Variants in IMMP2L observed in about 807,000 individuals in gnomAD.
The protein encoded by IMMP2L is inner mitochondrial membrane peptidase subunit 2, also known as mitochondrial inner membrane protease subunit 2.
IMMP2L carries 18 observed loss-of-function variants against 19.3 expected under a neutral mutation model. That is an observed-to-expected ratio of 0.93 (90% CI 0.64 to 1.38). The LOEUF (loss-of-function observed/expected upper bound fraction) is 1.38. IMMP2L is among the 40% of genes most tolerant of loss of function. The pLI is 0.00. For missense variants in IMMP2L, 233 were observed against 218.2 expected, an observed-to-expected ratio of 1.07 and a Z score of -0.43; for synonymous variants, 76 against 73.0, an observed-to-expected ratio of 1.04 and a Z score of -0.21.
intron 5 of IMMP2L, among the ~76,000 whole-genome samples, chr7:110,716,068 C>G (rs1468406353): frequency 1.3e-5 from 2 of 151,884 alleles, no homozygotes; most frequent in East Asian, 3.9e-4. Context: ...TTATCTGATA[C>G]AAGAATAGTG....
rs139881053 is a variant in IMMP2L, at chr7:111,359,296, TTTTG to T, written c.239+127938_239+127941del. Among the ~76,000 whole-genome samples, 223 of 151,906 alleles carry T rather than the reference TTTTG, an allele frequency of 1.5e-3. 1 individual carries two copies. Among genetic ancestry groups the T allele is most frequent in the African/African-American group, 4.9e-3 (201 of 41,442 alleles). ...GAGGTGGCCTCCTAATTCTCCAGGTTTTTGTTTGTTTGTTTGTTTTAATGAGACA... is the reference window on the plus strand; with the variant it reads ...GAGGTGGCCTCCTAATTCTCCAGGTTTTTGTTTGTTTGTTTTAATGAGACA... On this transcript the variant is annotated intron_variant, in intron 3 of 5. Coordinates refer to ENST00000405709, the MANE Select transcript of IMMP2L (RefSeq NM_032549.4).
intron 4 of IMMP2L, among the ~76,000 whole-genome samples, chr7:110,921,026 G>A (rs1288397763): frequency 6.6e-6 from 1 of 152,038 alleles, no homozygotes; most frequent in Admixed American, 6.6e-5. Flanking sequence ...TGAATGACTA[G>A]TTATTTAAGA....
chr7:110,989,353 A>G (rs1454202545), intron 3 of IMMP2L, among the ~76,000 whole-genome samples: 1 of 152,080 alleles, frequency 6.6e-6, no homozygotes, highest in Admixed American at 6.6e-5. Flanking sequence ...CCTGGGCAAC[A>G]TGACAAGATC....
chr7:110,933,739 A>G (rs1439888278), intron 4 of IMMP2L, among the ~76,000 whole-genome samples: 1 of 152,190 alleles, frequency 6.6e-6, no homozygotes, highest in African/African-American at 2.4e-5. Flanking sequence ...CTCTGATCCC[A>G]GAGACTCTTT....
intron 5 of IMMP2L, among the ~76,000 whole-genome samples, chr7:110,833,610 T>C (rs1411644798): frequency 6.6e-6 from 1 of 152,124 alleles, no homozygotes; most frequent in Admixed American, 6.6e-5. Context: ...TTCAGCTTTT[T>C]CAGAAGTTCA....
At chr7:111,498,329 G>T (rs1468054250) in intron 2 of IMMP2L, among the ~76,000 whole-genome samples, 1 of 152,048 alleles carries the variant, frequency 6.6e-6, no homozygotes, top group Non-Finnish European at 1.5e-5. Context: ...TATAGTCAAT[G>T]AAATATAAAA....
intron 1 of IMMP2L, among the ~76,000 whole-genome samples, chr7:111,545,305 C>T (rs966002558): frequency 6.6e-5 from 10 of 151,948 alleles, no homozygotes; most frequent in African/African-American, 2.4e-4. Context: ...CTTTTCATGC[C>T]CTTATTGGCC....
chr7:111,049,893 G>C (rs183822320), intron 3 of IMMP2L, among the ~76,000 whole-genome samples: 101 of 152,288 alleles, frequency 6.6e-4, no homozygotes, highest in Non-Finnish European at 3.4e-4. Context: ...CCCCCATAGG[G>C]AAGTGTGAGA....
At chr7:110,782,854 A>G (rs879676448) in intron 5 of IMMP2L, among the ~76,000 whole-genome samples, 1 of 151,914 alleles carries the variant, frequency 6.6e-6, no homozygotes, top group Non-Finnish European at 1.5e-5. Context: ...TTGGACTAAG[A>G]ATAGAGATTC....
intron 3 of IMMP2L, among the ~76,000 whole-genome samples, chr7:111,054,373 G>T (rs1793295790): frequency 1.3e-5 from 2 of 152,118 alleles, no homozygotes; most frequent in South Asian, 4.1e-4. Flanking sequence ...CTATCAAAGG[G>T]ACATCAACTG....
chr7:111,121,382 T>G (rs1375448597), intron 3 of IMMP2L, among the ~76,000 whole-genome samples: 1 of 152,254 alleles, frequency 6.6e-6, no homozygotes, highest in Non-Finnish European at 1.5e-5. Flanking sequence ...TTGTCAATTT[T>G]GGCTTTTGTT....
At chr7:110,861,862 C>T (rs866054187) in intron 5 of IMMP2L, among the ~76,000 whole-genome samples, 26 of 151,904 alleles carry the variant, frequency 1.7e-4, no homozygotes, top group Admixed American at 2.6e-4. Flanking sequence ...ATCTGTTTAC[C>T]AAATATGTGT....
chr7:110,798,775 A>G (rs1184939845), intron 5 of IMMP2L, among the ~76,000 whole-genome samples: 2 of 151,828 alleles, frequency 1.3e-5, no homozygotes, highest in Admixed American at 6.6e-5. Context: ...TTCAGTTCTT[A>G]TTATCTGATT....
intron 1 of IMMP2L, among the ~76,000 whole-genome samples, chr7:111,557,704 T>G (rs568927988): frequency 1.1e-4 from 16 of 152,166 alleles, no homozygotes; most frequent in Non-Finnish European, 1.8e-4. Context: ...GGTCAAGATA[T>G]CTGTAGTCCT....
chr7:111,196,202 G>A (rs1179516882), intron 3 of IMMP2L, among the ~76,000 whole-genome samples: 1 of 152,066 alleles, frequency 6.6e-6, no homozygotes, highest in Non-Finnish European at 1.5e-5. Context: ...GATTATTTGG[G>A]ACCTTAGGAA....
chr7:111,488,183 T>G (rs566812179), intron 2 of IMMP2L, among the ~76,000 whole-genome samples: 4 of 152,286 alleles, frequency 2.6e-5, no homozygotes, highest in African/African-American at 9.6e-5. Flanking sequence ...TTTTAAATTT[T>G]TTTTCATTTT....
intron 1 of IMMP2L, among the ~76,000 whole-genome samples, chr7:111,538,401 C>T (rs1848090809): frequency 6.6e-6 from 1 of 152,000 alleles, no homozygotes; most frequent in Admixed American, 6.6e-5. Context: ...AAATGACTGT[C>T]TCCATCTCTT....
intron 5 of IMMP2L, among the ~76,000 whole-genome samples, chr7:110,789,647 G>A (rs187239132): frequency 5.3e-5 from 8 of 151,748 alleles, no homozygotes; most frequent in Admixed American, 1.3e-4. Flanking sequence ...TTATGATATA[G>A]ATTAAAAGCT....
chr7:111,350,149 G>A (rs910561087), intron 3 of IMMP2L, among the ~76,000 whole-genome samples: 6 of 151,696 alleles, frequency 4.0e-5, no homozygotes, highest in Admixed American at 3.3e-4. Flanking sequence ...TGTATTTTTA[G>A]TAGAGAGGGG....
Sources: allele counts gnomAD v4.1 joint callset (sites outside exome capture counted in the v4.1 genomes callset), GRCh38; gene constraint gnomAD v4.1.1; transcripts MANE v1.5; gene names NCBI Gene and HGNC (gene_info 2026-07-23, HGNC 2026-07-21).